TACC2: variants seen among roughly 807,000 people sequenced by gnomAD.
TACC2 encodes transforming acidic coiled-coil containing protein 2.
In TACC2, 137 loss-of-function variants were observed where a neutral mutation model predicts 227.3. The ratio of observed to expected loss-of-function variants is 0.60; its 90% confidence interval spans 0.52 to 0.69. The LOEUF (loss-of-function observed/expected upper bound fraction) is 0.69. TACC2 is among the 30% of genes least tolerant of loss of function. The pLI is 0.00. For synonymous variants in TACC2, 1,523 were observed against 1,487.5 expected (o/e 1.02, Z -0.55); for missense variants, 3,470 against 3,694.4 (o/e 0.94, Z 1.57).
chr10:122,167,283 G>T (rs1175549431), intron 7 of TACC2, among the ~76,000 whole-genome samples: 6 of 152,236 alleles, frequency 3.9e-5, no homozygotes, highest in African/African-American at 1.4e-4. Flanking sequence ...AAGTAGAGGG[G>T]CCAGGGTGGA....
At chr10:122,160,410 C>T (rs980393338) in intron 7 of TACC2, among the ~76,000 whole-genome samples, 7 of 152,144 alleles carry the variant, frequency 4.6e-5, no homozygotes, top group Non-Finnish European at 7.4e-5. Flanking sequence ...ACAGTGATTT[C>T]TTCCAGTTCT....
At chr10:122,113,420 G>C (rs2084010324) in intron 5 of TACC2, among the ~76,000 whole-genome samples, 1 of 152,254 alleles carries the variant, frequency 6.6e-6, no homozygotes, top group South Asian at 2.1e-4. Context: ...GAGTGTGGCT[G>C]CGGGGAAACC....
chr10:122,228,114 G>A, intron 14 of TACC2, 106 bp downstream of exon 14: 3 of 1,228,530 alleles, frequency 2.4e-6, no homozygotes, highest in South Asian at 1.5e-5. Context: ...CCTGGCACCT[G>A]CCATGGGTCC....
At position 122,195,055 on chromosome 10, in the gene TACC2, A is replaced by G. The variant is rs2094520184; in HGVS notation, c.5850A>G (p.Glu1950=). The G allele has an allele frequency of 2.5e-6, 4 of 1,612,870 alleles. No homozygotes were observed. In the East Asian group the frequency reaches 8.9e-5, roughly 36 times the overall value. Residue 1950 remains glutamate, a synonymous_variant, in exon 8 of 23, where the codon GAA becomes GAG. Transcript: ENST00000369005. ...CTCTCATCAGGAGTTCCGATTCTGAAGAGGCATTTGAGACCCCGGAGTCAA... is the reference window on the plus strand; with the variant it reads ...CTCTCATCAGGAGTTCCGATTCTGAGGAGGCATTTGAGACCCCGGAGTCAA... ...AKDLSRSSDS[E]EAFETPESTT...
intron 18 of TACC2, chr10:122,241,594 T>TC (rs1488603862): frequency 1.4e-5 from 4 of 285,484 alleles, no homozygotes; most frequent in Non-Finnish European, 2.7e-5. Context: ...CCTTATTAAT[T>TC]TTTTTTTCAT....
Position 122,083,849 on chromosome 10 carries a change from T to G in TACC2, c.1349T>G (p.Met450Arg), listed in dbSNP as rs2079807914. 6.2e-7 allele frequency: 1 copy of G among 1,613,992 alleles called. No homozygotes were observed. The highest frequency in any genetic ancestry group is 1.1e-5 in the South Asian group (1 of 91,082). Residue 450 changes from methionine to arginine, a missense_variant, in exon 4 of 23, where the codon ATG (methionine) becomes AGG (arginine). Met to Arg is a moderately conservative substitution (Grantham distance 91). Coordinates refer to ENST00000369005, the MANE Select transcript of TACC2 (RefSeq NM_206862.4). Reference sequence around the variant, plus strand: ...AGGGAATCAGTTTCCAAGGCTGGGATGCCAGTTTCTGCAGATGCAGCCAAA... The same window carrying G: ...AGGGAATCAGTTTCCAAGGCTGGGAGGCCAGTTTCTGCAGATGCAGCCAAA... ...SSRESVSKAG[M>R]PVSADAAKEV...
At chr10:122,062,771 T>A (rs1043742108) in intron 3 of TACC2, among the ~76,000 whole-genome samples, 1 of 152,094 alleles carries the variant, frequency 6.6e-6, no homozygotes, top group Non-Finnish European at 1.5e-5. Context: ...TTTGAAAAAA[T>A]GAACTAAATG....
intron 2 of TACC2, among the ~76,000 whole-genome samples, chr10:122,038,190 G>A (rs1451428162): frequency 6.6e-6 from 1 of 152,120 alleles, no homozygotes; most frequent in Non-Finnish European, 1.5e-5. Context: ...AGCCCTTGGG[G>A]GAGAGGGGGC....
At chr10:122,128,506 G>C (rs1454131033) in intron 5 of TACC2, among the ~76,000 whole-genome samples, 1 of 152,106 alleles carries the variant, frequency 6.6e-6, no homozygotes, top group East Asian at 1.9e-4. Flanking sequence ...TTTTCCAGTG[G>C]TGCCTAATGG....
At chr10:122,198,173 G>C (rs914549839) in intron 8 of TACC2, among the ~76,000 whole-genome samples, 39 of 152,214 alleles carry the variant, frequency 2.6e-4, no homozygotes, top group Non-Finnish European at 2.1e-4. Flanking sequence ...GGGCTCCCTG[G>C]GATGGAAGAT....
At chr10:122,195,256 G>T in intron 8 of TACC2, 80 bp downstream of exon 8, 1 of 1,360,094 alleles carries the variant, frequency 7.4e-7, no homozygotes. Flanking sequence ...TTCCTCCTGG[G>T]TCAGGCTGGA....
intron 6 of TACC2, among the ~76,000 whole-genome samples, chr10:122,134,179 T>C (rs1487093527): frequency 6.6e-6 from 1 of 151,406 alleles, no homozygotes; most frequent in Non-Finnish European, 1.5e-5. Context: ...TTCTTTTTTT[T>C]TTTTTTTCCT....
intron 5 of TACC2, among the ~76,000 whole-genome samples, chr10:122,101,018 C>T (rs988331605): frequency 9.9e-5 from 15 of 152,168 alleles, no homozygotes; most frequent in Admixed American, 3.3e-4. Context: ...CTACCTCCCA[C>T]CAGAGTAGCG....
At position 122,211,556 on chromosome 10, in the gene TACC2, C is replaced by T. The variant is rs375899573; in HGVS notation, c.7131C>T (p.Ser2377=). Residue 2377 remains serine, a synonymous_variant, in exon 9 of 23, where the codon TCC becomes TCT. Coordinates refer to ENST00000369005, the MANE Select transcript of TACC2 (RefSeq NM_206862.4). ...YNFDPDTCDE[S]VDPFKTSSKT... ...TTGACCCAGACACCTGTGATGAGTC[C>T]GTTGACCCCTTTAAGACATCCTCTA... 6.0e-5 allele frequency: 97 copies of T among 1,613,856 alleles called. No individual in the cohort carries two copies. The highest frequency in any genetic ancestry group is 7.5e-5 in the Non-Finnish European group (88 of 1,179,988).
intron 11 of TACC2, among the ~76,000 whole-genome samples, chr10:122,222,201 A>G (rs969269720): frequency 2.6e-5 from 4 of 152,216 alleles, no homozygotes; most frequent in South Asian, 2.1e-4. Flanking sequence ...ATGTGGTTTC[A>G]CCCCCATGCC....
rs148110955 is a variant in TACC2, at chr10:122,210,465, C to T, written c.6040C>T (p.Arg2014Cys). Reference sequence around the variant, plus strand: ...CGACTCGGTGGAAGGAAGTCCCTTCCGTCCCCCGTCACACTCCTTCTCTGC... The same window carrying T: ...CGACTCGGTGGAAGGAAGTCCCTTCTGTCCCCCGTCACACTCCTTCTCTGC... The part of the protein sequence containing the change: ...RSDSVEGSPF[R>C]PPSHSFSAVF... Residue 2014 changes from arginine (R) to cysteine (C), a missense_variant, in exon 9 of 23, where the codon CGT becomes TGT. Arg to Cys is a radical substitution (Grantham distance 180, BLOSUM62 -3). This residue lies in a region of TACC2 where 593 missense variants were observed against 636.6 expected (regional missense o/e 0.93). Transcript: ENST00000369005. This position sits in a 1 kb window ranked among gnomAD's most constrained non-coding sequence, Gnocchi z 4.6. 3.3e-5 allele frequency: 53 copies of T among 1,614,060 alleles called. No individual in the cohort carries two copies. The highest frequency in any genetic ancestry group is 4.2e-5 in the Non-Finnish European group (49 of 1,179,986).
intron 3 of TACC2, among the ~76,000 whole-genome samples, chr10:122,079,594 GCCT>G (rs1290978108): frequency 6.6e-6 from 1 of 152,198 alleles, no homozygotes; most frequent in East Asian, 1.9e-4. Context: ...CTGTGTACAT[GCCT>G]CCTTCAGGGA....
chr10:122,053,384 C>G (rs1230447861), intron 3 of TACC2, among the ~76,000 whole-genome samples: 3 of 152,022 alleles, frequency 2.0e-5, no homozygotes, highest in Admixed American at 2.0e-4. Flanking sequence ...GTCACCCCCC[C>G]AGGTCCCTCC....
chr10:122,221,647 A>G (rs1213113967), intron 11 of TACC2, among the ~76,000 whole-genome samples: 1 of 152,184 alleles, frequency 6.6e-6, no homozygotes. Flanking sequence ...CTCCCCTAAT[A>G]TAATGTCACT....
Sources: allele counts gnomAD v4.1 joint callset (sites outside exome capture counted in the v4.1 genomes callset), GRCh38; gene constraint gnomAD v4.1.1; regional missense constraint gnomAD v4.1.1; non-coding constraint Gnocchi (gnomAD v3.1); transcripts MANE v1.5; gene names NCBI Gene and HGNC (gene_info 2026-07-23, HGNC 2026-07-21).